GNPNAT1: variants seen among roughly 807,000 people sequenced by gnomAD.
The protein encoded by GNPNAT1 is glucosamine-phosphate N-acetyltransferase 1.
In GNPNAT1, 11 loss-of-function variants were observed where a neutral mutation model predicts 19.8. The observed-to-expected ratio is 0.56, with a 90% CI of 0.35 to 0.92. GNPNAT1 has a LOEUF of 0.92. GNPNAT1 is among the 40% of genes least tolerant of loss of function. The pLI is 0.01. For missense variants in GNPNAT1, 157 were observed against 211.0 expected (o/e 0.74, Z 1.59); for synonymous variants, 71 against 72.3 (o/e 0.98, Z 0.09).
intron 3 of GNPNAT1, 35 bp downstream of exon 3, chr14:52,783,388 C>T (rs1479216997): frequency 2.9e-6 from 4 of 1,383,970 alleles, no homozygotes; most frequent in Non-Finnish European, 4.1e-6. Flanking sequence ...ATCATGTTTC[C>T]CTTTATTTCA....
At chr14:52,783,787 A>G (rs928443099) in intron 2 of GNPNAT1, among the ~76,000 whole-genome samples, 1 of 152,168 alleles carries the variant, frequency 6.6e-6, no homozygotes, top group Non-Finnish European at 1.5e-5. Flanking sequence ...ATTAAGTTCA[A>G]TGCAAAGGGT....
rs1449306015 is a variant in GNPNAT1 at position 52,776,876 on chromosome 14, A to AGC, written c.*1434_*1435insGC. On this transcript the variant is annotated 3_prime_UTR_variant, in exon 6 of 6. Coordinates refer to ENST00000216410, the MANE Select transcript of GNPNAT1 (RefSeq NM_198066.4). ...GGCCTTACCAGGCTAATTTTTAAAA[A>AGC]CATGCGTTTTTAATTACCAGGATTT... 6.6e-6 allele frequency: 1 copy of AGC among 152,192 alleles called. No individual in the cohort carries two copies. Among genetic ancestry groups the AGC allele is most frequent in the East Asian group, 1.9e-4 (1 of 5,194 alleles). The allele number at this position is 152,192 out of a possible 1,614,324, so 9.4% of individuals were successfully genotyped here. A position where few individuals can be genotyped will look rare whatever the true frequency, so the allele number is the denominator to read the frequency against.
intron 5 of GNPNAT1, among the ~76,000 whole-genome samples, chr14:52,780,067 G>C (rs1435867388): frequency 1.3e-5 from 2 of 152,096 alleles, no homozygotes; most frequent in African/African-American, 2.4e-5. Flanking sequence ...TAATTGGGGG[G>C]CTGAAGAGGA....
chr14:52,786,241 G>A (rs994206031), intron 1 of GNPNAT1, among the ~76,000 whole-genome samples: 15 of 151,460 alleles, frequency 9.9e-5, no homozygotes, highest in African/African-American at 2.9e-4. Flanking sequence ...ATGGTGGCTC[G>A]TGCCTTTAAT....
intron 1 of GNPNAT1, among the ~76,000 whole-genome samples, chr14:52,787,419 A>G (rs941008350): frequency 3.9e-5 from 6 of 152,166 alleles, no homozygotes; most frequent in East Asian, 2.0e-4. Flanking sequence ...AGCACTTCTT[A>G]TGTGCCAGAC....
chr14:52,790,368 A>G (rs926005338), intron 1 of GNPNAT1, among the ~76,000 whole-genome samples: 6 of 152,226 alleles, frequency 3.9e-5, no homozygotes, highest in African/African-American at 1.4e-4. Flanking sequence ...GGATTCCTTT[A>G]TATTCATTTT....
rs562851651 is a variant in GNPNAT1, at chr14:52,786,120, AT to A, written c.-14-1457del. 1.6e-3 allele frequency among the ~76,000 whole-genome samples: 227 copies of A among 142,804 alleles called. 2 individuals are homozygous for A. Among genetic ancestry groups the A allele is most frequent in the African/African-American group, 3.7e-3 (144 of 38,876 alleles). 93.7% of individuals were successfully genotyped at this position (142,804 alleles called of 152,430 possible). The stretch of plus-strand genomic sequence containing the variant: ...AAAATTGATGAACAGGCTCAAATTA[AT>A]TTTTTTTTTTGGCATTCTCAGAAAT... On this transcript the variant is annotated intron_variant, in intron 1 of 5. Coordinates refer to ENST00000216410, the MANE Select transcript of GNPNAT1 (RefSeq NM_198066.4).
intron 1 of GNPNAT1, among the ~76,000 whole-genome samples, chr14:52,788,369 A>G (rs879544517): frequency 6.6e-6 from 1 of 152,150 alleles, no homozygotes; most frequent in African/African-American, 2.4e-5. Flanking sequence ...CCTGACCTCA[A>G]GTGATCCTCC....
Position 52,778,468 on chromosome 14 carries a change from A to T in GNPNAT1, c.408-10T>A, listed in dbSNP as rs1399484990. Reference sequence around the variant, plus strand: ...AAGGGTTGATAATAACCTGAAATTTAAAAAGGGGGTAGGGTGAGGAGATAG... The same window carrying T: ...AAGGGTTGATAATAACCTGAAATTTTAAAAGGGGGTAGGGTGAGGAGATAG... On this transcript the variant is annotated splice_polypyrimidine_tract_variant and intron_variant, in intron 5 of 5. Coordinates refer to ENST00000216410, the MANE Select transcript of GNPNAT1 (RefSeq NM_198066.4). The T allele has an allele frequency of 2.5e-6, 4 of 1,598,796 alleles. No individual in the cohort carries two copies. In the African/African-American group the frequency reaches 4.1e-5, roughly 16 times the overall value.
rs1882972867 is a variant in GNPNAT1 at position 52,784,744 on chromosome 14, A to G, written c.-14-80T>C. 6.7e-6 allele frequency: 4 copies of G among 596,676 alleles called. No individual in the cohort carries two copies. The African/African-American group carries it at 7.7e-5, about 12-fold the overall frequency. The allele number at this position is 596,676 out of a possible 1,614,324, so 37.0% of individuals were successfully genotyped here. A position where few individuals can be genotyped will look rare whatever the true frequency, so the allele number is the denominator to read the frequency against. On this transcript the variant is annotated intron_variant, in intron 1 of 5. Transcript: ENST00000216410. Reference sequence around the variant, plus strand: ...ATTGTTGAGAAAGTTAATATAAATTAATGCAATTAGAAGCATTCTTTAGCA... The same window carrying G: ...ATTGTTGAGAAAGTTAATATAAATTGATGCAATTAGAAGCATTCTTTAGCA...
chr14:52,778,600 TA>T, intron 5 of GNPNAT1, 142 bp from the exon 6 acceptor site: 1 of 664,020 alleles, frequency 1.5e-6, no homozygotes. Flanking sequence ...TGCATTCATG[TA>T]AGTTGATAAG....
chr14:52,780,855 A>C, intron 4 of GNPNAT1, 115 bp from the exon 5 acceptor site: 1 of 633,786 alleles, frequency 1.6e-6, no homozygotes, highest in East Asian at 2.7e-5. Context: ...TGAACTTAAC[A>C]GAAATCAAAT....
Position 52,775,528 on chromosome 14 carries a change from T to C in GNPNAT1, c.*2783A>G, listed in dbSNP as rs371722841. 3 of 152,114 alleles carry C rather than the reference T, an allele frequency of 2.0e-5. No homozygotes were observed. Among genetic ancestry groups the C allele is most frequent in the African/African-American group, 7.2e-5 (3 of 41,416 alleles). 9.4% of individuals were successfully genotyped at this position (152,114 alleles called of 1,614,324 possible). A position where few individuals can be genotyped will look rare whatever the true frequency, so the allele number is the denominator to read the frequency against. ...CATCTTAGTTGATGAAACAAAAATA[T>C]ACAAAACATGAGACACAGTAAAAAT... is the stretch of plus-strand genomic sequence containing the variant. On this transcript the variant is annotated 3_prime_UTR_variant, in exon 6 of 6. Transcript: ENST00000216410.
intron 3 of GNPNAT1, among the ~76,000 whole-genome samples, chr14:52,782,730 C>T (rs1882922345): frequency 6.6e-6 from 1 of 151,892 alleles, no homozygotes; most frequent in Non-Finnish European, 1.5e-5. Context: ...AATGATGGTC[C>T]TCATTCTCAG....
chr14:52,785,892 C>T (rs932664661), intron 1 of GNPNAT1, among the ~76,000 whole-genome samples: 1 of 150,582 alleles, frequency 6.6e-6, no homozygotes, highest in Non-Finnish European at 1.5e-5. Flanking sequence ...GGATTACAGG[C>T]ACCTGCCACC....
chr14:52,781,837 CA>C lies in GNPNAT1; in HGVS notation c.291del (p.Ile97MetfsTer7). ...TVVEDVTLGQ[I>X]VATATLIIEH... The stretch of plus-strand genomic sequence containing the variant: ...TCTATAATCAGAGTTGCCGTAGCAA[CA>C]ATCTGTCCTAGAGTCACATCTTCTA... On this transcript the variant is annotated frameshift_variant, in exon 4 of 6. Transcript: ENST00000216410. LOFTEE classifies it high-confidence loss of function. 6.2e-7 allele frequency: 1 copy of C among 1,606,780 alleles called. No individual in the cohort carries two copies. The highest frequency in any genetic ancestry group is 8.5e-7 in the Non-Finnish European group (1 of 1,177,350).
At chr14:52,786,909 A>G (rs1360330147) in intron 1 of GNPNAT1, among the ~76,000 whole-genome samples, 11 of 128,384 alleles carry the variant, frequency 8.6e-5, no homozygotes, top group Non-Finnish European at 1.6e-4. Context: ...GGATATTTGC[A>G]TATACATAAT....
In GNPNAT1 at chr14:52,776,383, T is replaced by C. The variant is rs1882720617; in HGVS notation, c.*1928A>G. On this transcript the variant is annotated 3_prime_UTR_variant, in exon 6 of 6. Coordinates refer to ENST00000216410, the MANE Select transcript of GNPNAT1 (RefSeq NM_198066.4). ...CCATTGTCCTCAATGACACAATTTT[T>C]GTATGGTGTACCTTACCTGTAATTC... is the stretch of plus-strand genomic sequence containing the variant. The C allele has an allele frequency of 6.6e-6, 1 of 152,252 alleles. No individual in the cohort carries two copies. Among genetic ancestry groups the C allele is most frequent in the South Asian group, 2.1e-4 (1 of 4,836 alleles). The allele number at this position is 152,252 out of a possible 1,614,324, so 9.4% of individuals were successfully genotyped here.
At chr14:52,779,734 A>AC (rs1882839731) in intron 5 of GNPNAT1, among the ~76,000 whole-genome samples, 2 of 150,060 alleles carry the variant, frequency 1.3e-5, no homozygotes, top group South Asian at 2.1e-4. Flanking sequence ...TAAAAAAAAA[A>AC]AAAAAAAAAA....
Sources: gnomAD v4.1 joint callset for allele counts (sites outside exome capture counted in the v4.1 genomes callset) on GRCh38, gnomAD v4.1.1 for gene constraint, MANE v1.5 for transcripts, NCBI Gene and HGNC (gene_info 2026-07-23, HGNC 2026-07-21) for gene names.